Variants in ATP8A2 observed in about 807,000 individuals in gnomAD.
ATP8A2 encodes phospholipid-transporting ATPase IB.
Under a neutral mutation model 165.6 loss-of-function variants are expected in ATP8A2, and 100 were observed. That is an observed-to-expected ratio of 0.60 (90% CI 0.51 to 0.71). The LOEUF (loss-of-function observed/expected upper bound fraction) is 0.71. Among genes scored for constraint, ATP8A2 ranks in the 30% least tolerant of loss-of-function variants. ATP8A2 has a pLI of 0.00. For synonymous variants in ATP8A2, 543 were observed against 548.8 expected (o/e 0.99, Z 0.15); for missense variants, 1,227 against 1,479.5 (o/e 0.83, Z 2.80).
chr13:25,719,116 A>C (rs2043317324), intron 25 of ATP8A2, among the ~76,000 whole-genome samples: 1 of 152,174 alleles, frequency 6.6e-6, no homozygotes, highest in Non-Finnish European at 1.5e-5. Flanking sequence ...GATCCTGTGA[A>C]TCCATCTCCG....
chr13:25,622,415 G>T (rs944023525), intron 24 of ATP8A2, among the ~76,000 whole-genome samples: 4 of 152,082 alleles, frequency 2.6e-5, no homozygotes, highest in African/African-American at 9.7e-5. Context: ...ATGAAAGTGG[G>T]AAAGTTGAGA....
At chr13:25,534,830 A>C (rs1394346435) in intron 6 of ATP8A2, among the ~76,000 whole-genome samples, 1 of 152,212 alleles carries the variant, frequency 6.6e-6, no homozygotes, top group East Asian at 1.9e-4. Context: ...GAGCTGCTGG[A>C]ACCCAGATGG....
At chr13:25,821,594 A>T (rs1016192409) in intron 27 of ATP8A2, among the ~76,000 whole-genome samples, 1 of 152,170 alleles carries the variant, frequency 6.6e-6, no homozygotes, top group Non-Finnish European at 1.5e-5. Flanking sequence ...GCCACATGTT[A>T]TTATTTTGTT....
At chr13:25,778,035 C>T (rs1316040949) in intron 27 of ATP8A2, among the ~76,000 whole-genome samples, 2 of 152,192 alleles carry the variant, frequency 1.3e-5, no homozygotes, top group Non-Finnish European at 2.9e-5. Context: ...CTCATTTCAC[C>T]TGACAGTGTA....
At chr13:25,806,395 G>A (rs917855827) in intron 27 of ATP8A2, among the ~76,000 whole-genome samples, 2 of 152,046 alleles carry the variant, frequency 1.3e-5, no homozygotes, top group Admixed American at 1.3e-4. Flanking sequence ...CCCACTTGAA[G>A]GGTTGGTGGT....
In ATP8A2 at chr13:25,793,025, GGAGAAGAGAGGAGAA is replaced by G. The variant is rs536741983; in HGVS notation, c.2679+18076_2679+18090del. Among the ~76,000 whole-genome samples, 366 of 101,384 alleles carry G rather than the reference GGAGAAGAGAGGAGAA, an allele frequency of 3.6e-3. 3 individuals are homozygous for G. Among genetic ancestry groups the G allele is most frequent in the African/African-American group, 0.01 (325 of 31,348 alleles). The allele number at this position is 101,384 out of a possible 152,430, so 66.5% of individuals were successfully genotyped here. A position where few individuals can be genotyped will look rare whatever the true frequency, so the allele number is the denominator to read the frequency against. ...AGAGGGGAGGGCAGGAGAGAAGAGA[GGAGAAGAGAGGAGAA>G]GAGAAGAGAAGAGAAGAGCAAAACT... On this transcript the variant is annotated intron_variant, in intron 27 of 36. Coordinates refer to ENST00000381655, the MANE Select transcript of ATP8A2 (RefSeq NM_016529.6).
At chr13:25,858,025 CT>C (rs1676346857) in intron 30 of ATP8A2, among the ~76,000 whole-genome samples, 1 of 152,082 alleles carries the variant, frequency 6.6e-6, no homozygotes, top group African/African-American at 2.4e-5. Flanking sequence ...ATAAAATAGG[CT>C]GTAAGTAAAT....
intron 27 of ATP8A2, among the ~76,000 whole-genome samples, chr13:25,801,031 T>C (rs1950612148): frequency 6.6e-6 from 1 of 152,172 alleles, no homozygotes; most frequent in Admixed American, 6.6e-5. Flanking sequence ...CTAATCTTGC[T>C]CAGAGCTGCT....
intron 24 of ATP8A2, among the ~76,000 whole-genome samples, chr13:25,671,638 T>C (rs1311466388): frequency 6.6e-6 from 1 of 152,110 alleles, no homozygotes; most frequent in Non-Finnish European, 1.5e-5. Context: ...CCAGGCTTAT[T>C]AGGAAGAGGA....
At chr13:25,657,448 A>G (rs1421894458) in intron 24 of ATP8A2, among the ~76,000 whole-genome samples, 1 of 152,178 alleles carries the variant, frequency 6.6e-6, no homozygotes, top group Admixed American at 6.5e-5. Context: ...TTCATGGGCC[A>G]GATGGGGACT....
At chr13:25,798,382 G>A (rs966359232) in intron 27 of ATP8A2, among the ~76,000 whole-genome samples, 2 of 152,132 alleles carry the variant, frequency 1.3e-5, no homozygotes, top group African/African-American at 4.8e-5. Context: ...TTAGGGGAGG[G>A]CACAGGAACA....
At position 25,869,678 on chromosome 13, in the gene ATP8A2, G is replaced by T. The variant is rs574662212; in HGVS notation, c.3183+7270G>T. ...GTAATGTTTATTGAACAATTGAGATGAGAAAAGTTCTCTTGTCCCCCTGGC... is the reference window on the plus strand; with the variant it reads ...GTAATGTTTATTGAACAATTGAGATTAGAAAAGTTCTCTTGTCCCCCTGGC... On this transcript the variant is annotated intron_variant, in intron 33 of 36. Transcript: ENST00000381655. Among the ~76,000 whole-genome samples, 42 of 152,338 alleles carry T rather than the reference G, an allele frequency of 2.8e-4. 1 individual carries two copies. Among genetic ancestry groups the T allele is most frequent in the African/African-American group, 9.1e-4 (38 of 41,586 alleles).
chr13:25,999,311 C>T (rs1956586602), intron 35 of ATP8A2, among the ~76,000 whole-genome samples: 1 of 152,140 alleles, frequency 6.6e-6, no homozygotes, highest in South Asian at 2.1e-4. Context: ...TACCAGCTCT[C>T]CATGGGTTTC....
At chr13:25,641,439 C>G (rs2041518435) in intron 24 of ATP8A2, among the ~76,000 whole-genome samples, 1 of 152,160 alleles carries the variant, frequency 6.6e-6, no homozygotes, top group Non-Finnish European at 1.5e-5. Context: ...GCAAAAATCA[C>G]AAGCATTCCT....
intron 29 of ATP8A2, 72 bp from the exon 30 acceptor site, chr13:25,839,474 C>T (rs753784131): frequency 7.9e-5 from 80 of 1,011,788 alleles, no homozygotes; most frequent in Non-Finnish European, 1.2e-4. Context: ...CACAATGTGG[C>T]GTTTGTTGAG....
chr13:25,621,143 T>TA (rs1343381116), intron 24 of ATP8A2, among the ~76,000 whole-genome samples: 1 of 152,202 alleles, frequency 6.6e-6, no homozygotes, highest in East Asian at 1.9e-4. Context: ...TTATCCTAGG[T>TA]ACCTTTGTGT....
intron 36 of ATP8A2, among the ~76,000 whole-genome samples, chr13:26,017,490 T>C (rs1317778116): frequency 1.3e-5 from 2 of 152,140 alleles, no homozygotes; most frequent in East Asian, 1.9e-4. Flanking sequence ...TTGTACAGGA[T>C]TGGGGATGAG....
At chr13:25,416,569 C>T (rs1181239416) in intron 1 of ATP8A2, among the ~76,000 whole-genome samples, 1 of 152,168 alleles carries the variant, frequency 6.6e-6, no homozygotes, top group Admixed American at 6.5e-5. Context: ...AGACAGTTTG[C>T]ATTGATTCTG....
chr13:25,433,748 A>G lies in ATP8A2; in HGVS notation c.77-35229A>G, dbSNP rs1214934814. ...CAACCTAAGTGCCCATCAACGGTTGACTGGAAAAGGAAATGTGGTATTTAT... is the reference window on the plus strand; with the variant it reads ...CAACCTAAGTGCCCATCAACGGTTGGCTGGAAAAGGAAATGTGGTATTTAT... On this transcript the variant is annotated intron_variant, in intron 1 of 36. Coordinates refer to ENST00000381655, the MANE Select transcript of ATP8A2 (RefSeq NM_016529.6). Among the ~76,000 whole-genome samples the G allele has an allele frequency of 2.6e-5, 4 of 152,220 alleles. No homozygotes were observed. The South Asian group carries it at 8.3e-4, about 31-fold the overall frequency.
Sources: allele counts gnomAD v4.1 joint callset (sites outside exome capture counted in the v4.1 genomes callset), GRCh38; gene constraint gnomAD v4.1.1; transcripts MANE v1.5; gene names NCBI Gene and HGNC (gene_info 2026-07-23, HGNC 2026-07-21).